The following MYO5B variants were observed in gnomAD, a reference collection of about 807,000 sequenced individuals.
MYO5B encodes the protein unconventional myosin-Vb.
Under a neutral mutation model 229.3 loss-of-function variants are expected in MYO5B, and 143 were observed. The observed-to-expected ratio is 0.62, with a 90% CI of 0.54 to 0.72. MYO5B has a LOEUF of 0.72. Ranked by LOEUF, MYO5B falls within the 30% of genes least tolerant of loss-of-function variation. MYO5B has a pLI of 0.00. For synonymous variants in MYO5B, 918 were observed against 885.2 expected (o/e 1.04, Z -0.66); for missense variants, 2,321 against 2,331.0 (o/e 1.00, Z 0.09).
chr18:50,048,320 C>G (rs1295974912), intron 2 of MYO5B, among the ~76,000 whole-genome samples: 1 of 152,154 alleles, frequency 6.6e-6, no homozygotes, highest in Non-Finnish European at 1.5e-5. Context: ...ATGTAACCTT[C>G]CCAATTAGGA....
At chr18:50,021,520 GAA>G (rs903483151) in intron 4 of MYO5B, among the ~76,000 whole-genome samples, 15 of 152,144 alleles carry the variant, frequency 9.9e-5, no homozygotes, top group Non-Finnish European at 1.9e-4. Flanking sequence ...GCAAGAGAGA[GAA>G]AAGAGGTCTG....
chr18:50,113,533 A>G (rs988053896), intron 1 of MYO5B, among the ~76,000 whole-genome samples: 18 of 152,252 alleles, frequency 1.2e-4, no homozygotes, highest in African/African-American at 4.3e-4. Flanking sequence ...GGAAGCTGCT[A>G]TCTCCTTTTC....
chr18:49,909,957 G>A (rs1032295889), intron 18 of MYO5B, among the ~76,000 whole-genome samples: 4 of 152,158 alleles, frequency 2.6e-5, no homozygotes, highest in African/African-American at 9.7e-5. Context: ...AGGAGGTGGT[G>A]TAAACATAAA....
chr18:50,186,064 A>G (rs2033144297), intron 1 of MYO5B, among the ~76,000 whole-genome samples: 1 of 152,246 alleles, frequency 6.6e-6, no homozygotes, highest in Non-Finnish European at 1.5e-5. Flanking sequence ...TATTTTAGCC[A>G]ATATATAAAT....
chr18:49,835,504 T>A, intron 38 of MYO5B, 80 bp from the exon 39 acceptor site: 1 of 889,918 alleles, frequency 1.1e-6, no homozygotes, highest in South Asian at 1.3e-5. Flanking sequence ...ATATGTGACA[T>A]TGGTACAAGA....
intron 39 of MYO5B, among the ~76,000 whole-genome samples, chr18:49,834,735 T>G (rs2144027407): frequency 6.6e-6 from 1 of 152,212 alleles, no homozygotes; most frequent in African/African-American, 2.4e-5. Flanking sequence ...GCCTCCCAGG[T>G]TCACGCCATT....
chr18:49,939,290 C>T (rs976321852), intron 14 of MYO5B, among the ~76,000 whole-genome samples: 5 of 151,758 alleles, frequency 3.3e-5, no homozygotes, highest in South Asian at 2.1e-4. Context: ...GGACTGCAGG[C>T]GTGCACTACC....
At chr18:50,167,460 T>G (rs1363534604) in intron 1 of MYO5B, among the ~76,000 whole-genome samples, 1 of 152,256 alleles carries the variant, frequency 6.6e-6, no homozygotes, top group Non-Finnish European at 1.5e-5. Flanking sequence ...ATCCATATTA[T>G]GCAACCTGCC....
chr18:49,881,606 T>A (rs1011013068), intron 22 of MYO5B, among the ~76,000 whole-genome samples: 5 of 151,986 alleles, frequency 3.3e-5, no homozygotes, highest in African/African-American at 1.2e-4. Flanking sequence ...ATCGAGACCA[T>A]CCTGGCTAAC....
chr18:49,860,635 T>C (rs2024318546), intron 29 of MYO5B, among the ~76,000 whole-genome samples: 1 of 152,128 alleles, frequency 6.6e-6, no homozygotes, highest in Admixed American at 6.5e-5. Context: ...GTGATAAAAG[T>C]TCTGAACTTG....
chr18:50,091,265 C>G (rs185132938), intron 1 of MYO5B, among the ~76,000 whole-genome samples: 2 of 152,178 alleles, frequency 1.3e-5, no homozygotes, highest in Non-Finnish European at 2.9e-5. Context: ...TCAACTACTG[C>G]GTATTTACTA....
chr18:50,146,707 C>A (rs543592485), intron 1 of MYO5B, among the ~76,000 whole-genome samples: 1 of 152,348 alleles, frequency 6.6e-6, no homozygotes, highest in Admixed American at 6.5e-5. Flanking sequence ...TAAGACTCAA[C>A]CTGTATTTTG....
At chr18:50,080,701 C>T (rs2031199367) in intron 1 of MYO5B, among the ~76,000 whole-genome samples, 1 of 152,170 alleles carries the variant, frequency 6.6e-6, no homozygotes, top group African/African-American at 2.4e-5. Flanking sequence ...AAACAATTAA[C>T]ATTTACACAA....
intron 18 of MYO5B, among the ~76,000 whole-genome samples, 174 bp downstream of exon 18, chr18:49,911,888 G>A (rs2024962168): frequency 6.6e-6 from 1 of 152,148 alleles, no homozygotes; most frequent in African/African-American, 2.4e-5. Flanking sequence ...TCTAGATAAG[G>A]AGAATGGGTT....
At chr18:50,103,066 C>G (rs934463293) in intron 1 of MYO5B, among the ~76,000 whole-genome samples, 1 of 152,238 alleles carries the variant, frequency 6.6e-6, no homozygotes, top group Non-Finnish European at 1.5e-5. Flanking sequence ...CCTGCCCCGC[C>G]TGTCCTTGTT....
At chr18:50,159,668 G>C (rs913425278) in intron 1 of MYO5B, among the ~76,000 whole-genome samples, 2 of 152,146 alleles carry the variant, frequency 1.3e-5, no homozygotes, top group Non-Finnish European at 2.9e-5. Flanking sequence ...TCTATTCTAA[G>C]AAAAAGTCCC....
Position 49,826,071 on chromosome 18 carries a change from C to T in MYO5B, c.*400G>A, listed in dbSNP as rs144380641. The T allele has an allele frequency of 9.1e-4, 216 of 237,356 alleles. 1 individual carries two copies. The East Asian group carries it at 0.019, about 21-fold the overall frequency. The allele number at this position is 237,356 out of a possible 1,614,324, so 14.7% of individuals were successfully genotyped here. A position where few individuals can be genotyped will look rare whatever the true frequency, so the allele number is the denominator to read the frequency against. ...TATTAGTACCATTATTTGTTAAAGC[C>T]CTTTGAAGGCAATTTATGTGACTTA... On this transcript the variant is annotated 3_prime_UTR_variant, in exon 40 of 40. Transcript: ENST00000285039.
chr18:50,046,183 C>A (rs775515873), intron 2 of MYO5B, among the ~76,000 whole-genome samples: 13 of 152,210 alleles, frequency 8.5e-5, no homozygotes, highest in Non-Finnish European at 1.6e-4. Context: ...GAATAGGAGT[C>A]AACCCCTGTA....
chr18:49,872,489 G>A (rs2024467347), intron 26 of MYO5B, among the ~76,000 whole-genome samples: 3 of 151,852 alleles, frequency 2.0e-5, no homozygotes, highest in Admixed American at 2.0e-4. Flanking sequence ...CTTATAGGTT[G>A]AATATGTATA....
Sources: gnomAD v4.1 joint callset for allele counts (sites outside exome capture counted in the v4.1 genomes callset) on GRCh38, gnomAD v4.1.1 for gene constraint, MANE v1.5 for transcripts, NCBI Gene and HGNC (gene_info 2026-07-23, HGNC 2026-07-21) for gene names.